Variants in FAM168A observed in about 807,000 individuals in gnomAD.
FAM168A encodes protein FAM168A.
Under a neutral mutation model 28.5 loss-of-function variants are expected in FAM168A, and 3 were observed. The ratio of observed to expected loss-of-function variants is 0.11; its 90% CI spans 0.05 to 0.27. FAM168A has a LOEUF of 0.27. Among genes scored for constraint, FAM168A ranks in the 10% least tolerant of loss-of-function variants. The pLI is 1.00. For synonymous variants in FAM168A, 122 were observed against 124.2 expected (o/e 0.98, Z 0.12); for missense variants, 222 against 311.5 (o/e 0.71, Z 2.16).
At chr11:73,559,921 G>GA (rs1023564804) in intron 1 of FAM168A, among the ~76,000 whole-genome samples, 5 of 151,566 alleles carry the variant, frequency 3.3e-5, no homozygotes, top group African/African-American at 9.7e-5. Context: ...TTCTTGGCAG[G>GA]AAAAAAAACA....
chr11:73,592,995 C>T (rs1354298797), intron 1 of FAM168A, among the ~76,000 whole-genome samples: 1 of 151,898 alleles, frequency 6.6e-6, no homozygotes, highest in Admixed American at 6.6e-5. Flanking sequence ...AGAAATAAAG[C>T]TTTTTTAAAA....
rs145259866 is a variant in FAM168A at position 73,569,341 on chromosome 11, A to AAC, written c.-19+28580_-19+28581dup. On this transcript the variant is annotated intron_variant, in intron 1 of 7. Coordinates refer to ENST00000356467, the MANE Select transcript of FAM168A (RefSeq NM_015159.3). Reference sequence around the variant, plus strand: ...AGCTACTAAAACAGAGATACACAGGAACACACACACACAGCGGTCTTATCC... The same window carrying AAC: ...AGCTACTAAAACAGAGATACACAGGAACACACACACACACAGCGGTCTTATCC... Among the ~76,000 whole-genome samples the AAC allele has an allele frequency of 1.1e-4, 17 of 152,092 alleles. No homozygotes were observed. In the East Asian group the frequency reaches 2.1e-3, roughly 19 times the overall value.
At chr11:73,532,896 T>C (rs1355765470) in intron 1 of FAM168A, among the ~76,000 whole-genome samples, 2 of 152,226 alleles carry the variant, frequency 1.3e-5, no homozygotes, top group African/African-American at 4.8e-5. Flanking sequence ...ATTTAATCTC[T>C]CTGAACTTCA....
intron 2 of FAM168A, among the ~76,000 whole-genome samples, chr11:73,461,025 C>T (rs1178226305): frequency 1.3e-5 from 2 of 152,166 alleles, no homozygotes; most frequent in African/African-American, 2.4e-5. Context: ...ATCTGTCCAT[C>T]CATTTGTTGA....
rs191439886 is a variant in FAM168A at position 73,495,092 on chromosome 11, T to C, written c.-18-26600A>G. Among the ~76,000 whole-genome samples the C allele has an allele frequency of 3.2e-3, 484 of 151,122 alleles. 2 individuals are homozygous for C. Among genetic ancestry groups the C allele is most frequent in the Admixed American group, 5.3e-3 (81 of 15,194 alleles). On this transcript the variant is annotated intron_variant, in intron 1 of 7. Coordinates refer to ENST00000356467, the MANE Select transcript of FAM168A (RefSeq NM_015159.3). ...GACTCAGTAAAGACTCCCCAGGGAA[T>C]TGCCTGTCTAATTTGAGGCTTAATG...
rs1214327920 is a variant in FAM168A at position 73,405,224 on chromosome 11, G to C, written c.*1539C>G. ...AGTCAGGTACAGGACGGAAGTTCCA[G>C]ATGTCTTCACAGAATTTCCAAATGC... is the stretch of plus-strand genomic sequence containing the variant. On this transcript the variant is annotated 3_prime_UTR_variant, in exon 8 of 8. Coordinates refer to ENST00000356467, the MANE Select transcript of FAM168A (RefSeq NM_015159.3). The C allele has an allele frequency of 6.6e-6, 1 of 152,206 alleles. No individual in the cohort carries two copies. The allele number at this position is 152,206 out of a possible 1,614,324, so 9.4% of individuals were successfully genotyped here.
At chr11:73,565,755 C>T (rs995791749) in intron 1 of FAM168A, among the ~76,000 whole-genome samples, 1 of 152,174 alleles carries the variant, frequency 6.6e-6, no homozygotes, top group Non-Finnish European at 1.5e-5. Context: ...AATAAAAAAT[C>T]TTTCCAGGGA....
chr11:73,551,907 C>T (rs1423777763), intron 1 of FAM168A, among the ~76,000 whole-genome samples: 1 of 152,186 alleles, frequency 6.6e-6, no homozygotes, highest in African/African-American at 2.4e-5. Context: ...AGCCACAGTA[C>T]AGTACTTAGG....
intron 2 of FAM168A, among the ~76,000 whole-genome samples, chr11:73,463,449 C>T (rs55969206): frequency 6.6e-6 from 1 of 152,078 alleles, no homozygotes; most frequent in South Asian, 2.1e-4. Context: ...AGATAATGAG[C>T]TCAGTTTTAG....
intron 1 of FAM168A, among the ~76,000 whole-genome samples, chr11:73,483,693 G>C (rs1420561236): frequency 1.3e-5 from 2 of 152,206 alleles, no homozygotes. Context: ...AAAATTCTCT[G>C]TATGCAGGGC....
At chr11:73,465,224 T>A (rs1230796826) in intron 2 of FAM168A, among the ~76,000 whole-genome samples, 1 of 148,342 alleles carries the variant, frequency 6.7e-6, no homozygotes, top group Middle Eastern at 3.2e-3. Context: ...TCAGCAGAGA[T>A]CTGACACACT....
intron 1 of FAM168A, among the ~76,000 whole-genome samples, chr11:73,541,912 A>G (rs1187075576): frequency 6.6e-6 from 1 of 152,224 alleles, no homozygotes; most frequent in Admixed American, 6.5e-5. Context: ...CCAATGTCCC[A>G]GTTATTTAAA....
At chr11:73,492,244 A>G (rs1005257426) in intron 1 of FAM168A, among the ~76,000 whole-genome samples, 11 of 152,230 alleles carry the variant, frequency 7.2e-5, no homozygotes, top group African/African-American at 2.7e-4. Context: ...CAAGATAGAC[A>G]AAAAAGAATG....
intron 1 of FAM168A, among the ~76,000 whole-genome samples, chr11:73,549,359 C>T (rs1164242340): frequency 6.6e-6 from 1 of 152,186 alleles, no homozygotes; most frequent in African/African-American, 2.4e-5. Context: ...ATTAACCATT[C>T]ATAGCTGTTT....
At chr11:73,408,100 A>C (rs1866540984) in intron 6 of FAM168A, among the ~76,000 whole-genome samples, 1 of 152,108 alleles carries the variant, frequency 6.6e-6, no homozygotes, top group Non-Finnish European at 1.5e-5. Context: ...CGAACTCCTG[A>C]CCTCAAGTGA....
intron 1 of FAM168A, among the ~76,000 whole-genome samples, chr11:73,544,772 T>TATATATTTTATATGTAATTATATATC (rs1565291434): frequency 5.8e-5 from 6 of 103,528 alleles, no homozygotes; most frequent in African/African-American, 2.9e-4. Flanking sequence ...TATATATAAT[T>TATATATTTTATATGTAATTATATATC]ATATATAATT....
intron 4 of FAM168A, among the ~76,000 whole-genome samples, chr11:73,417,346 A>G (rs1866711225): frequency 6.6e-6 from 1 of 152,218 alleles, no homozygotes; most frequent in African/African-American, 2.4e-5. Flanking sequence ...CCAAGGTTAC[A>G]CAGAACCCAG....
At chr11:73,536,588 G>A (rs151000748) in intron 1 of FAM168A, among the ~76,000 whole-genome samples, 3,609 of 152,256 alleles carry the variant, frequency 0.024, 54 homozygotes, top group Middle Eastern at 0.051. Context: ...TCGGGAGGCT[G>A]AGGCAGGAGA....
At chr11:73,557,866 A>G (rs114129028) in intron 1 of FAM168A, among the ~76,000 whole-genome samples, 1,543 of 152,336 alleles carry the variant, frequency 0.01, 28 homozygotes, top group African/African-American at 0.036. Context: ...AAATCCATAC[A>G]TCTCTGGCCA....
Sources: gnomAD v4.1 joint callset for allele counts (sites outside exome capture counted in the v4.1 genomes callset) on GRCh38, gnomAD v4.1.1 for gene constraint, MANE v1.5 for transcripts, NCBI Gene and HGNC (gene_info 2026-07-23, HGNC 2026-07-21) for gene names.